Variants in IQSEC1 observed in about 807,000 individuals in gnomAD.
IQSEC1 encodes the protein IQ motif and Sec7 domain ArfGEF 1.
IQSEC1 carries 31 observed loss-of-function variants against 91.0 expected under a neutral mutation model. The observed-to-expected ratio is 0.34, with a 90% CI of 0.26 to 0.46. The LOEUF (loss-of-function observed/expected upper bound fraction) is 0.46, where lower values mean the gene tolerates loss of function less well. Ranked by LOEUF, IQSEC1 falls within the 20% of genes least tolerant of loss-of-function variation. The pLI is 1.00. For missense variants in IQSEC1, 1,388 were observed against 1,575.6 expected (o/e 0.88, Z 2.02); for synonymous variants, 699 against 662.6 (o/e 1.05, Z -0.84).
upstream of IQSEC1, among the ~76,000 whole-genome samples, chr3:13,078,113 G>C (rs1056064085): frequency 2.6e-5 from 4 of 152,314 alleles, no homozygotes; most frequent in East Asian, 7.7e-4. Context: ...CACGCTGGCT[G>C]GAGGAAGGGG....
rs1698168690 is a variant in IQSEC1 at position 12,936,104 on chromosome 3, G to A, written c.912C>T (p.Leu304=). ...DEEELSPPLP[L]SQAGDRPSST... ...TGGACGGCCGGTCCCCTGCCTGCGAGAGGGGCAGAGGGGGCGACAGCTCCT... is the reference window on the plus strand; with the variant it reads ...TGGACGGCCGGTCCCCTGCCTGCGAAAGGGGCAGAGGGGGCGACAGCTCCT... The change falls in exon 3 of 14, where the codon CTC becomes CTT. Residue 304 remains leucine, a synonymous_variant. Coordinates refer to ENST00000613206, the MANE Select transcript of IQSEC1 (RefSeq NM_001134382.3). 1.9e-6 allele frequency: 3 copies of A among 1,611,226 alleles called. No individual in the cohort carries two copies. Among genetic ancestry groups the A allele is most frequent in the East Asian group, 2.2e-5 (1 of 44,864 alleles).
chr3:13,112,422 G>A (rs1045475059), intron 2 of IQSEC1, among the ~76,000 whole-genome samples: 1 of 152,256 alleles, frequency 6.6e-6, no homozygotes, highest in Non-Finnish European at 1.5e-5. Context: ...CCCGGCACAT[G>A]TGCAGTGCTG....
Position 12,901,334 on chromosome 3 carries a change from C to T in IQSEC1, c.2994G>A (p.Pro998=), listed in dbSNP as rs542687791. The T allele has an allele frequency of 7.7e-4, 655 of 848,088 alleles. 1 individual carries two copies. The highest frequency in any genetic ancestry group is 7.4e-3 in the African/African-American group (329 of 44,478). 52.5% of individuals were successfully genotyped at this position (848,088 alleles called of 1,614,324 possible). A position where few individuals can be genotyped will look rare whatever the true frequency, so the allele number is the denominator to read the frequency against. The change falls in exon 14 of 14, where the codon CCG becomes CCA. Residue 998 remains proline, a synonymous_variant. Coordinates refer to ENST00000613206, the MANE Select transcript of IQSEC1 (RefSeq NM_001134382.3). ...SAPALPPPHP[P]VVLPHLQHSV... ...AGTGCTGCAAGTGAGGCAGGACCACCGGTGGGTGGGGGGGTGGCAGGGCTG... is the reference window on the plus strand; with the variant it reads ...AGTGCTGCAAGTGAGGCAGGACCACTGGTGGGTGGGGGGGTGGCAGGGCTG...
intron 1 of IQSEC1, among the ~76,000 whole-genome samples, chr3:12,951,072 CTG>C (rs1333511764): frequency 1.3e-5 from 2 of 152,158 alleles, no homozygotes; most frequent in Non-Finnish European, 2.9e-5. Context: ...GATGACATGA[CTG>C]TACTCCAGCC....
chr3:12,943,990 C>T (rs944080717), intron 1 of IQSEC1, among the ~76,000 whole-genome samples: 2 of 152,190 alleles, frequency 1.3e-5, no homozygotes, highest in Admixed American at 1.3e-4. Flanking sequence ...ATGACAGAGG[C>T]GTCTTCCTGA....
chr3:13,245,013 A>T (rs1245778264), intron 1 of IQSEC1, among the ~76,000 whole-genome samples: 2 of 152,198 alleles, frequency 1.3e-5, no homozygotes, highest in Non-Finnish European at 2.9e-5. Context: ...AGCTAGGGCC[A>T]CTATGATGCT....
intron 1 of IQSEC1, among the ~76,000 whole-genome samples, chr3:12,954,876 A>G (rs1699801179): frequency 6.6e-6 from 1 of 152,202 alleles, no homozygotes; most frequent in African/African-American, 2.4e-5. Flanking sequence ...GTCAGGATGG[A>G]AAGCCACAGA....
Position 12,909,220 on chromosome 3 carries a change from A to C in IQSEC1, c.2578+53T>G, listed in dbSNP as rs1695323805. ...GTCACTGCCCTGACATGGGGAGGCA[A>C]GTGCCAGAGTCTGGCAAGTCTCGGC... On this transcript the variant is annotated intron_variant, in intron 11 of 13. Transcript: ENST00000613206. This position sits in a 1 kb window ranked among gnomAD's most constrained non-coding sequence, Gnocchi z 4.9. 6.4e-7 allele frequency: 1 copy of C among 1,571,194 alleles called. No homozygotes were observed. The highest frequency in any genetic ancestry group is 8.7e-7 in the Non-Finnish European group (1 of 1,145,730).
chr3:13,220,269 C>T (rs1188773975), intron 1 of IQSEC1, among the ~76,000 whole-genome samples: 2 of 152,236 alleles, frequency 1.3e-5, no homozygotes, highest in African/African-American at 2.4e-5. Context: ...CAGCCCCAGA[C>T]CTTGATCGCC....
intron 1 of IQSEC1, 67 bp from the exon 2 acceptor site, chr3:12,941,932 G>A (rs1698792486): frequency 7.2e-7 from 1 of 1,395,774 alleles, no homozygotes; most frequent in Non-Finnish European, 9.6e-7. Flanking sequence ...CCGGGCCGTG[G>A]GGCGTGACCC....
intron 1 of IQSEC1, among the ~76,000 whole-genome samples, chr3:13,213,724 GTGAGTGGGTCCCAGGGATA>G (rs1222778866): frequency 2.0e-5 from 3 of 152,170 alleles, no homozygotes; most frequent in Admixed American, 1.3e-4. Context: ...CCGGGCCAGT[GTGAGTGGGTCCCAGGGATA>G]TGAGTGGGTC....
At position 12,970,634 on chromosome 3, in the gene IQSEC1, C is replaced by CTA. The variant is rs1458417952; in HGVS notation, c.24-28770_24-28769insTA. 3.9e-5 allele frequency among the ~76,000 whole-genome samples: 6 copies of CTA among 152,190 alleles called. No homozygotes were observed. The highest frequency in any genetic ancestry group is 3.9e-4 in the Admixed American group (6 of 15,280). ...ATCTCTCCATCCCTTACCTCTCCTC[C>CTA]TGCCCACTCTATGCCTGCCACACCT... On this transcript the variant is annotated intron_variant, in intron 1 of 13. Coordinates refer to ENST00000613206, the MANE Select transcript of IQSEC1 (RefSeq NM_001134382.3). The surrounding 1 kb of genome is among the most constrained non-coding windows in gnomAD (Gnocchi z 4.4).
intron 1 of IQSEC1, among the ~76,000 whole-genome samples, chr3:13,250,503 C>T (rs1301266494): frequency 1.3e-5 from 2 of 150,416 alleles, no homozygotes; most frequent in Non-Finnish European, 3.0e-5. Context: ...ACTTCAACCT[C>T]CCCCCACCAC....
intron 1 of IQSEC1, among the ~76,000 whole-genome samples, chr3:13,270,120 G>T (rs756036004): frequency 5.9e-5 from 9 of 152,170 alleles, no homozygotes; most frequent in Admixed American, 3.3e-4. Context: ...GGACCCTCCA[G>T]ATCAGCCAAT....
chr3:13,053,014 G>A, intron 1 of IQSEC1: 1 of 1,189,550 alleles, frequency 8.4e-7, no homozygotes, highest in Non-Finnish European at 1.2e-6. Flanking sequence ...TTGGAGTTGT[G>A]CCTGATTTTA....
At chr3:13,252,502 T>G (rs1421289124) in intron 1 of IQSEC1, among the ~76,000 whole-genome samples, 2 of 152,260 alleles carry the variant, frequency 1.3e-5, no homozygotes, top group African/African-American at 2.4e-5. Flanking sequence ...CTGCTATGAA[T>G]GTGGGTGTGC....
Position 12,936,489 on chromosome 3 carries a change from G to C in IQSEC1, c.527C>G (p.Ser176Cys). ...SFEGPEKVHS[S>C]YFEGKQVSVT... ...TGAGACCTGCTTCCCCTCGAAGTAGGAGCTGTGCACTTTCTCAGGCCCCTC... is the reference window on the plus strand; with the variant it reads ...TGAGACCTGCTTCCCCTCGAAGTAGCAGCTGTGCACTTTCTCAGGCCCCTC... Residue 176 changes from serine to cysteine, a missense_variant, in exon 3 of 14, where the codon TCC becomes TGC. Coordinates refer to ENST00000613206, the MANE Select transcript of IQSEC1 (RefSeq NM_001134382.3). The C allele has an allele frequency of 6.2e-7, 1 of 1,613,296 alleles. No homozygotes were observed. Among genetic ancestry groups the C allele is most frequent in the Non-Finnish European group, 8.5e-7 (1 of 1,179,844 alleles).
At chr3:13,213,334 T>TG (rs1169538403) in intron 1 of IQSEC1, among the ~76,000 whole-genome samples, 4 of 152,350 alleles carry the variant, frequency 2.6e-5, no homozygotes, top group African/African-American at 9.6e-5. Flanking sequence ...CCCCTGTGTA[T>TG]GGGTTGATTT....
rs1343545528 is a variant in IQSEC1, at chr3:12,900,839, T to TG, written c.*143dup. The TG allele has an allele frequency of 6.6e-7, 1 of 1,516,782 alleles. No homozygotes were observed. Among genetic ancestry groups the TG allele is most frequent in the Non-Finnish European group, 8.8e-7 (1 of 1,137,748 alleles). 94.0% of individuals were successfully genotyped at this position (1,516,782 alleles called of 1,614,324 possible). On this transcript the variant is annotated 3_prime_UTR_variant, in exon 14 of 14. Coordinates refer to ENST00000613206, the MANE Select transcript of IQSEC1 (RefSeq NM_001134382.3). ...ACACAACACCAGCCCTGTGGGCTCC[T>TG]GGGGCTCCGGTTGGGCCGTGAGGGG...
Sources: gnomAD v4.1 joint callset for allele counts (sites outside exome capture counted in the v4.1 genomes callset) on GRCh38, gnomAD v4.1.1 for gene constraint, Gnocchi (gnomAD v3.1) non-coding constraint, MANE v1.5 for transcripts, NCBI Gene and HGNC (gene_info 2026-07-23, HGNC 2026-07-21) for gene names.